NUP210: variants seen among roughly 807,000 people sequenced by gnomAD.
The protein encoded by NUP210 is nucleoporin 210, also known as nuclear pore membrane glycoprotein 210.
NUP210 carries 151 observed loss-of-function variants against 196.0 expected under a neutral mutation model. The ratio of observed to expected loss-of-function variants is 0.77; its 90% confidence interval spans 0.67 to 0.88. NUP210 has a LOEUF of 0.88. NUP210 is among the 40% of genes least tolerant of loss of function. The pLI is 0.00. For synonymous variants in NUP210, 1,070 were observed against 1,052.7 expected (o/e 1.02, Z -0.32); for missense variants, 2,314 against 2,493.7 (o/e 0.93, Z 1.53).
At chr3:13,332,134 AGAG>A (rs1697019916) in intron 29 of NUP210, among the ~76,000 whole-genome samples, 156 bp downstream of exon 29, 1 of 152,206 alleles carries the variant, frequency 6.6e-6, no homozygotes, top group Non-Finnish European at 1.5e-5. Flanking sequence ...GGAGCACCAC[AGAG>A]AAGAGAAGGA....
chr3:13,338,208 C>T (rs1164595692), intron 25 of NUP210, among the ~76,000 whole-genome samples: 7 of 152,264 alleles, frequency 4.6e-5, no homozygotes, highest in South Asian at 4.2e-4. Flanking sequence ...GACTTGGGGC[C>T]GGGGACTGGT....
intron 3 of NUP210, among the ~76,000 whole-genome samples, chr3:13,391,540 T>G (rs1233549574): frequency 6.6e-6 from 1 of 151,176 alleles, no homozygotes; most frequent in Non-Finnish European, 1.5e-5. Context: ...CCTAGGGCTG[T>G]CCGATGAAAG....
chr3:13,379,592 C>T lies in NUP210; in HGVS notation c.947G>A (p.Gly316Glu), dbSNP rs1175696657. The change falls in exon 7 of 40, where the codon GGA becomes GAA. Residue 316 changes from glycine to glutamate, a missense_variant. Transcript: ENST00000254508. The surrounding 1 kb of genome is among the most constrained non-coding windows in gnomAD (Gnocchi z 4.2). The stretch of plus-strand genomic sequence containing the variant: ...GTGGCCAAGGACGAGGCTGCTCTGT[C>T]CCAGCTGCAGTGCAGTGACCATCGA... ...DTSMVTALQLGQSSLVLGHRS... is the reference protein window; with the variant it reads ...DTSMVTALQLEQSSLVLGHRS... The T allele has an allele frequency of 1.2e-6, 2 of 1,614,166 alleles. No homozygotes were observed. Among genetic ancestry groups the T allele is most frequent in the African/African-American group, 1.3e-5 (1 of 75,052 alleles).
chr3:13,353,531 C>G, intron 18 of NUP210, 23 bp downstream of exon 18: 1 of 1,582,814 alleles, frequency 6.3e-7, no homozygotes, highest in Non-Finnish European at 8.7e-7. Flanking sequence ...ATAGCCCACC[C>G]ACCACTGGGC....
chr3:13,342,321 AG>A (rs988987916), intron 21 of NUP210, among the ~76,000 whole-genome samples, 198 bp from the exon 22 acceptor site: 2 of 152,228 alleles, frequency 1.3e-5, no homozygotes, highest in Admixed American at 6.5e-5. Flanking sequence ...GGGGATACTT[AG>A]AGGCATAAAT....
chr3:13,404,713 C>G (rs1699949236), intron 1 of NUP210, among the ~76,000 whole-genome samples: 2 of 152,206 alleles, frequency 1.3e-5, no homozygotes, highest in South Asian at 4.1e-4. Context: ...GAAGGGCTGT[C>G]TCTGCCCCTC....
chr3:13,357,198 G>GT (rs1698198553), intron 16 of NUP210, among the ~76,000 whole-genome samples: 2 of 152,228 alleles, frequency 1.3e-5, no homozygotes. Flanking sequence ...TTCGCTCCTA[G>GT]TTACTGAGCT....
chr3:13,407,455 A>G (rs1392280627), intron 1 of NUP210, among the ~76,000 whole-genome samples: 1 of 152,090 alleles, frequency 6.6e-6, no homozygotes, highest in South Asian at 2.1e-4. Context: ...GGCATCCTTA[A>G]AGCCTGAATC....
chr3:13,317,195 C>CT lies in NUP210; in HGVS notation c.*485_*486insA, dbSNP rs1411446521. ...CATTGCTCCTCAGAAGTCCTAGCAG[C>CT]AGCCAGACTAGGGGCAAAGTAAGTT... On this transcript the variant is annotated 3_prime_UTR_variant, in exon 40 of 40. Coordinates refer to ENST00000254508, the MANE Select transcript of NUP210 (RefSeq NM_024923.4). 1 of 173,634 alleles carries CT rather than the reference C, an allele frequency of 5.8e-6. No individual in the cohort carries two copies. Among genetic ancestry groups the CT allele is most frequent in the African/African-American group, 2.4e-5 (1 of 41,538 alleles). 10.8% of individuals were successfully genotyped at this position (173,634 alleles called of 1,614,324 possible). A position where few individuals can be genotyped will look rare whatever the true frequency, so the allele number is the denominator to read the frequency against.
chr3:13,319,992 T>C lies in NUP210; in HGVS notation c.5167-13A>G, dbSNP rs373848669. ...ACCCGGATTTCACCTGGAAGAGACA[T>C]CAGAGCTGGGGGTGCACATTCTGCA... On this transcript the variant is annotated splice_polypyrimidine_tract_variant and intron_variant, in intron 36 of 39. Coordinates refer to ENST00000254508, the MANE Select transcript of NUP210 (RefSeq NM_024923.4). The C allele has an allele frequency of 7.3e-5, 118 of 1,611,972 alleles. No individual in the cohort carries two copies. The highest frequency in any genetic ancestry group is 9.2e-5 in the Non-Finnish European group (109 of 1,179,610).
intron 8 of NUP210, 34 bp from the exon 9 acceptor site, chr3:13,377,596 C>T (rs758504000): frequency 1.3e-6 from 2 of 1,541,768 alleles, no homozygotes; most frequent in Non-Finnish European, 9.0e-7. Flanking sequence ...AGCACTCAGG[C>T]CTCAGGGGCA....
chr3:13,399,287 A>T (rs1283071209), intron 2 of NUP210, among the ~76,000 whole-genome samples: 1 of 151,760 alleles, frequency 6.6e-6, no homozygotes, highest in Non-Finnish European at 1.5e-5. Flanking sequence ...AAAAAAAAAA[A>T]ATCATTGTAT....
chr3:13,391,356 G>A (rs1348617184), intron 3 of NUP210, 49 bp from the exon 4 acceptor site: 1 of 1,305,184 alleles, frequency 7.7e-7, no homozygotes, highest in Non-Finnish European at 1.1e-6. Context: ...TAATTTCCCA[G>A]GGTGGAGGGA....
At chr3:13,382,440 G>A (rs1699134791) in intron 6 of NUP210, among the ~76,000 whole-genome samples, 1 of 152,198 alleles carries the variant, frequency 6.6e-6, no homozygotes, top group Admixed American at 6.5e-5. Flanking sequence ...AGCTCCAGGA[G>A]GGCAGGAACC....
chr3:13,386,381 C>T lies in NUP210; in HGVS notation c.711G>A (p.Leu237=). 1 of 1,614,142 alleles carries T rather than the reference C, an allele frequency of 6.2e-7. No homozygotes were observed. Among genetic ancestry groups the T allele is most frequent in the Non-Finnish European group, 8.5e-7 (1 of 1,180,036 alleles). ...YKNVRPAEVR[L]LILENILLNP... ...TCAGAAGGATGTTTTCCAAAATCAG[C>T]AGCCTGACTTCTGCAGGGCGTACAT... Residue 237 remains leucine (L), a synonymous_variant, in exon 6 of 40, where the codon CTG becomes CTA. Coordinates refer to ENST00000254508, the MANE Select transcript of NUP210 (RefSeq NM_024923.4).
intron 3 of NUP210, among the ~76,000 whole-genome samples, chr3:13,393,774 AG>A (rs1238846470): frequency 1.3e-5 from 2 of 152,222 alleles, no homozygotes; most frequent in African/African-American, 4.8e-5. Flanking sequence ...AGAAGCTATC[AG>A]TACCTACTAT....
In NUP210 at chr3:13,317,420, A is replaced by C. The variant is rs115607363; in HGVS notation, c.*261T>G. 395 of 504,392 alleles carry C rather than the reference A, an allele frequency of 7.8e-4. 2 individuals are homozygous for C. The highest frequency in any genetic ancestry group is 7.2e-3 in the African/African-American group (371 of 51,528). 31.2% of individuals were successfully genotyped at this position (504,392 alleles called of 1,614,324 possible). ...CATTGTCCAGAAACCCTAGACAACC[A>C]TGCAAAAAGGAATGAGCCAAAAAGT... On this transcript the variant is annotated 3_prime_UTR_variant, in exon 40 of 40. Coordinates refer to ENST00000254508, the MANE Select transcript of NUP210 (RefSeq NM_024923.4).
intron 3 of NUP210, among the ~76,000 whole-genome samples, chr3:13,392,443 G>A (rs190844007): frequency 4.1e-4 from 62 of 152,302 alleles, no homozygotes; most frequent in African/African-American, 1.3e-3. Flanking sequence ...TTTCTTAGAG[G>A]TCCAGAGCAG....
chr3:13,397,334 A>C, intron 3 of NUP210, 23 bp downstream of exon 3: 2 of 1,605,556 alleles, frequency 1.2e-6, no homozygotes, highest in East Asian at 4.5e-5. Context: ...TGCAGAAGAC[A>C]AACAGGCAGG....
Sources: gnomAD v4.1 joint callset for allele counts (sites outside exome capture counted in the v4.1 genomes callset) on GRCh38, gnomAD v4.1.1 for gene constraint, Gnocchi (gnomAD v3.1) non-coding constraint, MANE v1.5 for transcripts, NCBI Gene and HGNC (gene_info 2026-07-23, HGNC 2026-07-21) for gene names.